The following CDH13 variants were observed in gnomAD, a reference collection of about 807,000 sequenced individuals.
CDH13 encodes the protein cadherin-13.
A neutral mutation model predicts 63.8 loss-of-function variants in CDH13; 24 were observed. The ratio of observed to expected loss-of-function variants is 0.38; its 90% CI spans 0.27 to 0.53. The LOEUF is 0.53. Among genes scored for constraint, CDH13 ranks in the 20% least tolerant of loss-of-function variants. The pLI is 0.85. For synonymous variants in CDH13, 503 were observed against 355.3 expected (o/e 1.42, Z -4.67); for missense variants, 1,049 against 903.1 (o/e 1.16, Z -2.07).
At position 82,703,797 on chromosome 16, in the gene CDH13, C is replaced by A. The variant is rs143184697; in HGVS notation, c.45+76660C>A. 5.3e-4 allele frequency among the ~76,000 whole-genome samples: 81 copies of A among 152,278 alleles called. No individual in the cohort carries two copies. In the East Asian group the frequency reaches 0.013, roughly 24 times the overall value. Reference sequence around the variant, plus strand: ...CCCCTCTTTGCCCCCTGAACAAGGGCACCCATGTACAACAATGTGTATATA... The same window carrying A: ...CCCCTCTTTGCCCCCTGAACAAGGGAACCCATGTACAACAATGTGTATATA... On this transcript the variant is annotated intron_variant, in intron 1 of 13. Transcript: ENST00000567109.
rs149160728 is a variant in CDH13, at chr16:82,889,157, T to C, written c.157+30684T>C. On this transcript the variant is annotated intron_variant, in intron 2 of 13. Transcript: ENST00000567109. ...AAAATCATTCTCACAGAAAGTATTCTTTCCTTTTGTTCAAAAAATACCCCC... is the reference window on the plus strand; with the variant it reads ...AAAATCATTCTCACAGAAAGTATTCCTTCCTTTTGTTCAAAAAATACCCCC... Among the ~76,000 whole-genome samples, 520 of 152,352 alleles carry C rather than the reference T, an allele frequency of 3.4e-3. 2 individuals are homozygous for C. Among genetic ancestry groups the C allele is most frequent in the African/African-American group, 0.012 (491 of 41,580 alleles).
At chr16:82,651,354 C>T (rs1910699318) in intron 1 of CDH13, among the ~76,000 whole-genome samples, 1 of 152,104 alleles carries the variant, frequency 6.6e-6, no homozygotes, top group African/African-American at 2.4e-5. Flanking sequence ...ACACATATAC[C>T]ATCTTCATTG....
intron 6 of CDH13, among the ~76,000 whole-genome samples, chr16:83,405,845 G>A (rs953141097): frequency 1.3e-5 from 2 of 151,414 alleles, no homozygotes; most frequent in Non-Finnish European, 2.9e-5. Context: ...CATTCCTCCC[G>A]GCTCTTCTCT....
intron 13 of CDH13, among the ~76,000 whole-genome samples, chr16:83,788,181 C>G (rs13336464): frequency 0.13 from 19,718 of 152,168 alleles, 2,131 homozygotes; most frequent in African/African-American, 0.3. Context: ...ATCAAAGCCT[C>G]ACTCCGTGAC....
intron 2 of CDH13, among the ~76,000 whole-genome samples, chr16:82,890,135 C>G (rs561308671): frequency 1.3e-5 from 2 of 152,350 alleles, no homozygotes; most frequent in East Asian, 1.9e-4. Flanking sequence ...TCAGTTGATG[C>G]TAGCTGCAGT....
chr16:83,086,708 C>T (rs375074614), intron 3 of CDH13, among the ~76,000 whole-genome samples: 12 of 152,328 alleles, frequency 7.9e-5, no homozygotes, highest in African/African-American at 2.6e-4. Context: ...TAAGTGCACA[C>T]CACCAGTCTC....
chr16:83,026,487 C>T (rs112726701), intron 2 of CDH13, among the ~76,000 whole-genome samples: 7,599 of 150,520 alleles, frequency 0.05, 253 homozygotes, highest in Non-Finnish European at 0.073. Flanking sequence ...GAAATAGGTT[C>T]GAGGGTGGGG....
chr16:83,301,719 G>A (rs2089751302), intron 5 of CDH13, among the ~76,000 whole-genome samples: 1 of 152,092 alleles, frequency 6.6e-6, no homozygotes, highest in African/African-American at 2.4e-5. Flanking sequence ...GTCTCAGGAT[G>A]CCTTCTGCCC....
At chr16:83,431,901 C>T (rs979419665) in intron 6 of CDH13, among the ~76,000 whole-genome samples, 7 of 152,160 alleles carry the variant, frequency 4.6e-5, no homozygotes, top group East Asian at 1.9e-4. Flanking sequence ...TCCATCATTA[C>T]GTGAACTTGG....
intron 5 of CDH13, among the ~76,000 whole-genome samples, chr16:83,267,467 C>T (rs535503176): frequency 6.6e-6 from 1 of 152,210 alleles, no homozygotes; most frequent in South Asian, 2.1e-4. Context: ...ATTTAAATGC[C>T]CTCTCCAAAA....
chr16:82,794,164 AT>A (rs958202270), intron 1 of CDH13, among the ~76,000 whole-genome samples: 10 of 149,736 alleles, frequency 6.7e-5, no homozygotes, highest in South Asian at 2.1e-4. Context: ...TTTTTTTGCA[AT>A]TTTTTTTCTT....
At chr16:83,349,475 G>A (rs2151373109) in intron 6 of CDH13, among the ~76,000 whole-genome samples, 1 of 152,262 alleles carries the variant, frequency 6.6e-6, no homozygotes, top group East Asian at 1.9e-4. Context: ...CACAGAAGCA[G>A]GCCCTGAGAT....
At chr16:82,686,714 A>G (rs896512341) in intron 1 of CDH13, among the ~76,000 whole-genome samples, 3 of 152,224 alleles carry the variant, frequency 2.0e-5, no homozygotes, top group African/African-American at 7.2e-5. Context: ...TTCCGTTGAC[A>G]ACCCAGAATG....
At chr16:82,851,214 T>C (rs2039467617) in intron 1 of CDH13, among the ~76,000 whole-genome samples, 1 of 151,938 alleles carries the variant, frequency 6.6e-6, no homozygotes, top group African/African-American at 2.4e-5. Flanking sequence ...GGCGGGCGAA[T>C]CGCAAGGTCA....
intron 1 of CDH13, among the ~76,000 whole-genome samples, chr16:82,813,929 G>C (rs1363282329): frequency 6.6e-6 from 1 of 152,070 alleles, no homozygotes; most frequent in Non-Finnish European, 1.5e-5. Flanking sequence ...ATGCAATAGG[G>C]ATAATATTAC....
At chr16:82,778,617 A>G (rs554377310) in intron 1 of CDH13, among the ~76,000 whole-genome samples, 29 of 149,172 alleles carry the variant, frequency 1.9e-4, no homozygotes, top group Non-Finnish European at 3.5e-4. Flanking sequence ...TATTCTCACT[A>G]CACAGCATTT....
chr16:83,024,956 G>A (rs973694207), intron 2 of CDH13, among the ~76,000 whole-genome samples: 12 of 152,184 alleles, frequency 7.9e-5, no homozygotes, highest in Admixed American at 4.6e-4. Flanking sequence ...AACCCTAGCA[G>A]TGATGCCTGT....
At chr16:83,717,730 G>A (rs775901384) in intron 10 of CDH13, 1 of 152,316 alleles carries the variant, frequency 6.6e-6, no homozygotes, top group Admixed American at 6.5e-5. Context: ...TGGAGAAAAA[G>A]TAGGCCAATT....
At chr16:82,939,795 T>G (rs1043863848) in intron 2 of CDH13, among the ~76,000 whole-genome samples, 3 of 152,204 alleles carry the variant, frequency 2.0e-5, no homozygotes, top group Non-Finnish European at 2.9e-5. Context: ...CTTATAATAT[T>G]GTTGATAATA....
Sources: gnomAD v4.1 joint callset for allele counts (sites outside exome capture counted in the v4.1 genomes callset) on GRCh38, gnomAD v4.1.1 for gene constraint, MANE v1.5 for transcripts, NCBI Gene and HGNC (gene_info 2026-07-23, HGNC 2026-07-21) for gene names.